Variants in ZBTB26 observed in about 807,000 individuals in gnomAD.
ZBTB26 encodes the protein zinc finger and BTB domain containing 26.
Under a neutral mutation model 31.6 loss-of-function variants are expected in ZBTB26, and 12 were observed. The ratio of observed to expected loss-of-function variants is 0.38; its 90% CI spans 0.24 to 0.61. ZBTB26 has a LOEUF of 0.61. Among genes scored for constraint, ZBTB26 ranks in the 20% least tolerant of loss-of-function variants. ZBTB26 has a pLI of 0.60. For missense variants in ZBTB26, 311 were observed against 521.9 expected, an observed-to-expected ratio of 0.60 and a Z score of 3.94; for synonymous variants, 155 against 182.9, an observed-to-expected ratio of 0.85 and a Z score of 1.23.
Position 122,919,381 on chromosome 9 carries a change from A to C in ZBTB26, c.554T>G (p.Val185Gly). 2 of 1,614,166 alleles carry C rather than the reference A, an allele frequency of 1.2e-6. No individual in the cohort carries two copies. The highest frequency in any genetic ancestry group is 1.7e-6 in the Non-Finnish European group (2 of 1,180,028). ...MEDSDIQIVK[V>G]ESIGDVSEVR... ...CTCTGATACATCCCCAATAGATTCT[A>C]CCTTAACAATCTGAATATCACTGTC... Residue 185 changes from valine to glycine, a missense_variant, in exon 2 of 2, where the codon GTA becomes GGA. By Grantham distance (109) the Val-to-Gly change is moderately radical. This residue lies in a region of ZBTB26 where 207 missense variants were observed against 298.6 expected (regional missense o/e 0.69). Coordinates refer to ENST00000373656, the MANE Select transcript of ZBTB26 (RefSeq NM_020924.4). The surrounding 1 kb of genome is among the most constrained non-coding windows in gnomAD (Gnocchi z 6.1).
Position 122,918,554 on chromosome 9 carries a change from C to A in ZBTB26, c.*55G>T. 1.9e-6 allele frequency: 3 copies of A among 1,561,186 alleles called. No homozygotes were observed. Among genetic ancestry groups the A allele is most frequent in the Non-Finnish European group, 2.6e-6 (3 of 1,157,400 alleles). ...ACTAGCAAAATCACTCCTAAAAAGACTAAGACTATTGCCACATTGTCAGTC... is the reference window on the plus strand; with the variant it reads ...ACTAGCAAAATCACTCCTAAAAAGAATAAGACTATTGCCACATTGTCAGTC... On this transcript the variant is annotated 3_prime_UTR_variant, in exon 2 of 2. Transcript: ENST00000373656.
In ZBTB26 at chr9:122,921,855, C is replaced by T. The variant is rs553170682; in HGVS notation, c.-10-1911G>A. On this transcript the variant is annotated intron_variant, in intron 1 of 1. Transcript: ENST00000373656. The stretch of plus-strand genomic sequence containing the variant: ...CTAAGGCTGGAGAATCACTTGAACC[C>T]GGGAGGCAGAGGTTGTGGTGAGTCA... Among the ~76,000 whole-genome samples, 278 of 146,330 alleles carry T rather than the reference C, an allele frequency of 1.9e-3. 2 individuals carry two copies. The highest frequency in any genetic ancestry group is 3.3e-3 in the Non-Finnish European group (218 of 66,402).
In ZBTB26 at chr9:122,917,426, G is replaced by C. The variant is rs1441489263; in HGVS notation, c.*1183C>G. ...TAACTCATGGGTGAGAAACAAATAA[G>C]ACTTAGAATTTTAGGTCTGAAGTAC... On this transcript the variant is annotated 3_prime_UTR_variant, in exon 2 of 2. Transcript: ENST00000373656. The C allele has an allele frequency of 6.6e-6, 1 of 152,154 alleles. No homozygotes were observed. Among genetic ancestry groups the C allele is most frequent in the South Asian group, 2.1e-4 (1 of 4,828 alleles). The allele number at this position is 152,154 out of a possible 1,614,324, so 9.4% of individuals were successfully genotyped here.
At chr9:122,922,250 A>G (rs1833112912) in intron 1 of ZBTB26, among the ~76,000 whole-genome samples, 1 of 152,186 alleles carries the variant, frequency 6.6e-6, no homozygotes, top group African/African-American at 2.4e-5. Context: ...AAAACAAAGT[A>G]AAATAAAACA....
At chr9:122,927,466 A>T (rs1833200124) in intron 1 of ZBTB26, among the ~76,000 whole-genome samples, 1 of 152,210 alleles carries the variant, frequency 6.6e-6, no homozygotes, top group Non-Finnish European at 1.5e-5. Flanking sequence ...GCTAGGTATC[A>T]GTTTGCTTCC....
chr9:122,930,692 A>G (rs1487475095), intron 1 of ZBTB26, among the ~76,000 whole-genome samples: 1 of 152,130 alleles, frequency 6.6e-6, no homozygotes, highest in African/African-American at 2.4e-5. Flanking sequence ...TGTGCATAGG[A>G]GTCCCCCCAT....
At chr9:122,928,706 C>T (rs1833222008) in intron 1 of ZBTB26, among the ~76,000 whole-genome samples, 1 of 152,168 alleles carries the variant, frequency 6.6e-6, no homozygotes, top group South Asian at 2.1e-4. Context: ...TCCCAATCCC[C>T]ATGGCCAAAC....
chr9:122,925,962 G>A (rs1833172096), intron 1 of ZBTB26, among the ~76,000 whole-genome samples: 1 of 151,964 alleles, frequency 6.6e-6, no homozygotes, highest in Admixed American at 6.6e-5. Flanking sequence ...GTTTCTTCAT[G>A]TTGGTCAGGC....
At chr9:122,928,792 T>C (rs1833223738) in intron 1 of ZBTB26, among the ~76,000 whole-genome samples, 1 of 152,234 alleles carries the variant, frequency 6.6e-6, no homozygotes. Flanking sequence ...TTGAAATGCA[T>C]GATGCCTGCA....
chr9:122,924,508 G>A (rs1478187833), intron 1 of ZBTB26, among the ~76,000 whole-genome samples: 2 of 152,058 alleles, frequency 1.3e-5, no homozygotes, highest in Admixed American at 1.3e-4. Context: ...ACTAGGCTAT[G>A]GTACAGATGC....
rs186856787 is a variant in ZBTB26, at chr9:122,919,587, T to C, written c.348A>G (p.Val116=). The C allele has an allele frequency of 6.2e-6, 10 of 1,614,236 alleles. No homozygotes were observed. The highest frequency in any genetic ancestry group is 8.5e-6 in the Non-Finnish European group (10 of 1,180,028). Residue 116 remains valine, a synonymous_variant, in exon 2 of 2, where the codon GTA becomes GTG. Coordinates refer to ENST00000373656, the MANE Select transcript of ZBTB26 (RefSeq NM_020924.4). This position sits in a 1 kb window ranked among gnomAD's most constrained non-coding sequence, Gnocchi z 6.1. ...TCCACAGGGCCTGTGTGCACCGTTC[T>C]ACAATGTGGCTCATCTGAAGAAAAC... ...AASFLQMSHI[V]ERCTQALWKF...
intron 1 of ZBTB26, among the ~76,000 whole-genome samples, chr9:122,922,887 A>C (rs1416264129): frequency 6.6e-6 from 1 of 152,198 alleles, no homozygotes; most frequent in Non-Finnish European, 1.5e-5. Context: ...TTGAATGAGA[A>C]TGGCATTGAA....
intron 1 of ZBTB26, among the ~76,000 whole-genome samples, chr9:122,926,714 A>C (rs1207033124): frequency 1.3e-5 from 2 of 152,222 alleles, no homozygotes; most frequent in Non-Finnish European, 1.5e-5. Context: ...TTAAATGGCA[A>C]GCATATATGT....
At position 122,915,742 on chromosome 9, in the gene ZBTB26, TCTG is replaced by T. The variant is rs1214504821; in HGVS notation, c.*2864_*2866del. On this transcript the variant is annotated 3_prime_UTR_variant, in exon 2 of 2. Coordinates refer to ENST00000373656, the MANE Select transcript of ZBTB26 (RefSeq NM_020924.4). The stretch of plus-strand genomic sequence containing the variant: ...ACATTGGTCACCTTCCATTTATAGA[TCTG>T]CTAATAAAGAAACTTAAATTAAAAT... 1 of 152,228 alleles carries T rather than the reference TCTG, an allele frequency of 6.6e-6. No homozygotes were observed. The highest frequency in any genetic ancestry group is 1.5e-5 in the Non-Finnish European group (1 of 68,046). The allele number at this position is 152,228 out of a possible 1,614,324, so 9.4% of individuals were successfully genotyped here.
At chr9:122,930,211 A>G (rs1588133513) in intron 1 of ZBTB26, among the ~76,000 whole-genome samples, 1 of 152,170 alleles carries the variant, frequency 6.6e-6, no homozygotes, top group African/African-American at 2.4e-5. Context: ...AACATGTCCA[A>G]AAAATGAATT....
At position 122,919,711 on chromosome 9, in the gene ZBTB26, A is replaced by G; in HGVS notation, c.224T>C (p.Leu75Ser). 1 of 1,614,156 alleles carries G rather than the reference A, an allele frequency of 6.2e-7. No individual in the cohort carries two copies. Among genetic ancestry groups the G allele is most frequent in the Non-Finnish European group, 8.5e-7 (1 of 1,180,022 alleles). Residue 75 changes from leucine (L) to serine (S), a missense_variant, in exon 2 of 2, where the codon TTA (leucine) becomes TCA (serine). Coordinates refer to ENST00000373656, the MANE Select transcript of ZBTB26 (RefSeq NM_020924.4). The surrounding 1 kb of genome is among the most constrained non-coding windows in gnomAD (Gnocchi z 6.1). Reference sequence around the variant, plus strand: ...TTGTCTCCCCACTTCGGAACTCTGTAATATGGAGATTTTCACCTCTCTGGA... The same window carrying G: ...TTGTCTCCCCACTTCGGAACTCTGTGATATGGAGATTTTCACCTCTCTGGA... ...NDSREVKISILQSSEVGRQLL... is the reference protein window; with the variant it reads ...NDSREVKISISQSSEVGRQLL...
chr9:122,925,709 C>G (rs1165290578), intron 1 of ZBTB26, among the ~76,000 whole-genome samples: 1 of 151,554 alleles, frequency 6.6e-6, no homozygotes, highest in Non-Finnish European at 1.5e-5. Context: ...AGTGATTCTC[C>G]TGCCTCAGCC....
chr9:122,926,409 A>AG (rs1833181382), intron 1 of ZBTB26, among the ~76,000 whole-genome samples: 1 of 151,190 alleles, frequency 6.6e-6, no homozygotes, highest in African/African-American at 2.4e-5. Context: ...CGGGAGGCTG[A>AG]GGCAGGAGAA....
intron 1 of ZBTB26, among the ~76,000 whole-genome samples, chr9:122,928,119 A>C (rs1588132570): frequency 6.6e-6 from 1 of 152,052 alleles, no homozygotes; most frequent in Non-Finnish European, 1.5e-5. Flanking sequence ...ATAGGCATGA[A>C]CCGCTGTGCC....
Sources: allele counts gnomAD v4.1 joint callset (sites outside exome capture counted in the v4.1 genomes callset), GRCh38; gene constraint gnomAD v4.1.1; regional missense constraint gnomAD v4.1.1; non-coding constraint Gnocchi (gnomAD v3.1); transcripts MANE v1.5; gene names NCBI Gene and HGNC (gene_info 2026-07-23, HGNC 2026-07-21).